NEGR1: variants seen among roughly 807,000 people sequenced by gnomAD.
NEGR1 encodes IgLON family member 4.
In NEGR1, 10 loss-of-function variants were observed where a neutral mutation model predicts 40.9. The observed-to-expected ratio is 0.24, with a 90% CI of 0.15 to 0.42. NEGR1 has a LOEUF of 0.42. Among genes scored for constraint, NEGR1 ranks in the 10% least tolerant of loss-of-function variants. NEGR1 has a pLI of 1.00. For missense variants in NEGR1, 352 were observed against 438.9 expected (o/e 0.80, Z 1.77); for synonymous variants, 185 against 166.8 (o/e 1.11, Z -0.84).
chr1:71,990,654 ATC>A (rs1432466037), intron 1 of NEGR1, among the ~76,000 whole-genome samples: 3 of 152,120 alleles, frequency 2.0e-5, no homozygotes, highest in African/African-American at 7.2e-5. Flanking sequence ...GTTATAAAAC[ATC>A]TGTTTCTTAG....
intron 1 of NEGR1, among the ~76,000 whole-genome samples, chr1:72,129,227 A>G (rs533810299): frequency 6.6e-6 from 1 of 152,304 alleles, no homozygotes; most frequent in East Asian, 1.9e-4. Context: ...TAATATAAGC[A>G]TATTCAGTCC....
chr1:72,048,564 C>G (rs977546424), intron 1 of NEGR1, among the ~76,000 whole-genome samples: 2 of 151,380 alleles, frequency 1.3e-5, no homozygotes, highest in Non-Finnish European at 3.0e-5. Context: ...ATTGATAAAT[C>G]GGGTGGAATA....
At chr1:71,988,757 GA>G (rs1482911543) in intron 1 of NEGR1, among the ~76,000 whole-genome samples, 1 of 151,486 alleles carries the variant, frequency 6.6e-6, no homozygotes, top group Non-Finnish European at 1.5e-5. Context: ...AGAACCACAT[GA>G]CTAGAGAAAT....
chr1:71,678,019 A>T (rs1333818899), intron 4 of NEGR1, among the ~76,000 whole-genome samples: 1 of 152,178 alleles, frequency 6.6e-6, no homozygotes, highest in African/African-American at 2.4e-5. Context: ...TGAGCCTCAG[A>T]TTCCATTACT....
At position 71,927,851 on chromosome 1, in the gene NEGR1, A is replaced by AAAAAAAAAAAAAG. The variant is rs1557437874; in HGVS notation, c.409+7227_409+7228insCTTTTTTTTTTTT. Among the ~76,000 whole-genome samples, 5 of 125,314 alleles carry AAAAAAAAAAAAAG rather than the reference A, an allele frequency of 4.0e-5. 1 individual carries two copies. The highest frequency in any genetic ancestry group is 1.6e-4 in the African/African-American group (5 of 31,042). The allele number at this position is 125,314 out of a possible 152,430, so 82.2% of individuals were successfully genotyped here. ...AAAAAAAAAAAAAAAAAAAAAAAAA[A>AAAAAAAAAAAAAG]GCCAGGCAGAGTGGTGTGCACCTGT... On this transcript the variant is annotated intron_variant, in intron 2 of 6. Transcript: ENST00000357731.
intron 2 of NEGR1, among the ~76,000 whole-genome samples, chr1:71,784,690 C>A (rs1656846944): frequency 6.6e-6 from 1 of 152,186 alleles, no homozygotes; most frequent in Non-Finnish European, 1.5e-5. Context: ...CTCTTTCTCT[C>A]CATCTTCTCT....
intron 4 of NEGR1, among the ~76,000 whole-genome samples, chr1:71,634,379 G>A (rs1651072463): frequency 6.6e-6 from 1 of 152,080 alleles, no homozygotes; most frequent in African/African-American, 2.4e-5. Context: ...GCAGCACCAT[G>A]GAAGCTTGGC....
chr1:72,150,001 C>A (rs1330002572), intron 1 of NEGR1, among the ~76,000 whole-genome samples: 1 of 150,998 alleles, frequency 6.6e-6, no homozygotes, highest in Non-Finnish European at 1.5e-5. Flanking sequence ...GAATATCAGA[C>A]TTATGTTGAA....
At chr1:71,593,527 A>G (rs1414897044) in intron 5 of NEGR1, among the ~76,000 whole-genome samples, 5 of 152,192 alleles carry the variant, frequency 3.3e-5, no homozygotes, top group African/African-American at 1.2e-4. Context: ...AGACAGTCAT[A>G]TAGTATTGGA....
At chr1:71,957,953 C>A (rs558393241) in intron 1 of NEGR1, among the ~76,000 whole-genome samples, 1 of 152,256 alleles carries the variant, frequency 6.6e-6, no homozygotes, top group Non-Finnish European at 1.5e-5. Context: ...ATACTGAGGC[C>A]TTAATGACAG....
intron 4 of NEGR1, among the ~76,000 whole-genome samples, chr1:71,692,362 G>A (rs1307796118): frequency 6.6e-6 from 1 of 151,546 alleles, no homozygotes; most frequent in Non-Finnish European, 1.5e-5. Context: ...TAAATGAAAA[G>A]TAAAGTTAGG....
At chr1:71,903,963 T>C (rs1258444431) in intron 2 of NEGR1, among the ~76,000 whole-genome samples, 1 of 152,000 alleles carries the variant, frequency 6.6e-6, no homozygotes, top group Non-Finnish European at 1.5e-5. Flanking sequence ...TCTTATTCTT[T>C]CATTCAATAA....
chr1:71,930,037 T>C (rs1245521696), intron 2 of NEGR1, among the ~76,000 whole-genome samples: 1 of 152,138 alleles, frequency 6.6e-6, no homozygotes, highest in Non-Finnish European at 1.5e-5. Context: ...GGAGAAATAA[T>C]ATTTGTGGAG....
intron 1 of NEGR1, among the ~76,000 whole-genome samples, chr1:72,083,611 G>A (rs1648091442): frequency 6.6e-6 from 1 of 151,962 alleles, no homozygotes; most frequent in African/African-American, 2.4e-5. Context: ...GAAAAATATT[G>A]TCCCATTTTA....
intron 1 of NEGR1, among the ~76,000 whole-genome samples, chr1:72,143,147 A>T (rs1650749980): frequency 3.9e-5 from 6 of 152,014 alleles, no homozygotes; most frequent in Admixed American, 3.9e-4. Flanking sequence ...TTGGAAGCCG[A>T]GAGGCTCAAA....
At chr1:71,752,338 G>A (rs1655598201) in intron 3 of NEGR1, among the ~76,000 whole-genome samples, 1 of 152,142 alleles carries the variant, frequency 6.6e-6, no homozygotes, top group Non-Finnish European at 1.5e-5. Context: ...ACAAATGGGT[G>A]TGATTATGTT....
intron 2 of NEGR1, among the ~76,000 whole-genome samples, chr1:71,813,389 T>C (rs1658076111): frequency 1.3e-5 from 2 of 152,130 alleles, no homozygotes; most frequent in African/African-American, 2.4e-5. Flanking sequence ...TTTTTCTTTT[T>C]GTTTACGGTT....
At chr1:71,977,179 A>C (rs2100330797) in intron 1 of NEGR1, among the ~76,000 whole-genome samples, 1 of 152,238 alleles carries the variant, frequency 6.6e-6, no homozygotes, top group African/African-American at 2.4e-5. Flanking sequence ...AAAAAAAATT[A>C]GCTGGGCATG....
chr1:71,625,069 A>C (rs962516809), intron 4 of NEGR1, among the ~76,000 whole-genome samples: 2 of 152,048 alleles, frequency 1.3e-5, no homozygotes, highest in Admixed American at 6.6e-5. Context: ...TGTTACAGAA[A>C]TGTTGCACAT....
Sources: gnomAD v4.1 joint callset for allele counts (sites outside exome capture counted in the v4.1 genomes callset) on GRCh38, gnomAD v4.1.1 for gene constraint, MANE v1.5 for transcripts, NCBI Gene and HGNC (gene_info 2026-07-23, HGNC 2026-07-21) for gene names.